NPLOC4: variants seen among roughly 807,000 people sequenced by gnomAD.
The protein encoded by NPLOC4 is nuclear protein localization protein 4 homolog.
In NPLOC4, 18 loss-of-function variants were observed where a neutral mutation model predicts 80.6. That is an observed-to-expected ratio of 0.22 (90% CI 0.15 to 0.33). The LOEUF (loss-of-function observed/expected upper bound fraction) is 0.33. Among genes scored for constraint, NPLOC4 ranks in the 10% least tolerant of loss-of-function variants. The pLI, the probability that NPLOC4 is intolerant of heterozygous loss-of-function variation, is 1.00. For synonymous variants in NPLOC4, 313 were observed against 301.5 expected, an observed-to-expected ratio of 1.04 and a Z score of -0.39; for missense variants, 540 against 786.1, an observed-to-expected ratio of 0.69 and a Z score of 3.74.
intron 13 of NPLOC4, among the ~76,000 whole-genome samples, chr17:81,571,746 T>G (rs1048417379): frequency 1.3e-5 from 2 of 152,162 alleles, no homozygotes; most frequent in African/African-American, 4.8e-5. Context: ...TGTACTTTAG[T>G]ATGGGGACAG....
chr17:81,607,801 C>T (rs922635528), intron 6 of NPLOC4, among the ~76,000 whole-genome samples: 6 of 152,304 alleles, frequency 3.9e-5, no homozygotes, highest in Admixed American at 6.5e-5. Context: ...CAGGTTTTTT[C>T]TTCTGGTCTA....
At chr17:81,581,280 C>T (rs9912938) in intron 12 of NPLOC4, among the ~76,000 whole-genome samples, 91,007 of 142,270 alleles carry the variant, frequency 0.64, 29,977 homozygotes, top group Middle Eastern at 0.73. Flanking sequence ...ACCTGGGAGG[C>T]GGAGGTTGTA....
intron 2 of NPLOC4, among the ~76,000 whole-genome samples, chr17:81,629,357 A>G (rs965316112): frequency 1.3e-5 from 2 of 150,920 alleles, no homozygotes; most frequent in Non-Finnish European, 2.9e-5. Context: ...ACGCCCGACT[A>G]ATTTTTGTAT....
At chr17:81,595,397 G>A (rs2034874497) in intron 11 of NPLOC4, among the ~76,000 whole-genome samples, 3 of 139,862 alleles carry the variant, frequency 2.1e-5, no homozygotes, top group African/African-American at 8.1e-5. Flanking sequence ...TTGCGCCACT[G>A]CACTCCAGCC....
intron 16 of NPLOC4, among the ~76,000 whole-genome samples, chr17:81,561,526 C>A (rs2033849332): frequency 6.6e-6 from 1 of 152,320 alleles, no homozygotes; most frequent in South Asian, 2.1e-4. Context: ...GGTCCTGCAT[C>A]CTGCCTAAAA....
intron 2 of NPLOC4, among the ~76,000 whole-genome samples, chr17:81,625,833 C>T (rs545355953): frequency 3.9e-5 from 6 of 151,902 alleles, no homozygotes; most frequent in African/African-American, 1.2e-4. Flanking sequence ...ACCCATGGTA[C>T]AGGATCAAAT....
chr17:81,581,337 A>G (rs1184906593), intron 12 of NPLOC4, among the ~76,000 whole-genome samples: 2 of 133,464 alleles, frequency 1.5e-5, no homozygotes, highest in Non-Finnish European at 3.1e-5. Flanking sequence ...CAACACAGCC[A>G]GACTCCAACG....
chr17:81,603,972 T>C (rs1179542355), intron 8 of NPLOC4, among the ~76,000 whole-genome samples: 1 of 152,154 alleles, frequency 6.6e-6, no homozygotes, highest in Non-Finnish European at 1.5e-5. Context: ...AATGTGTAAC[T>C]AGTTGGTGGC....
chr17:81,594,418 T>C (rs1035261814), intron 11 of NPLOC4, among the ~76,000 whole-genome samples: 133 of 151,416 alleles, frequency 8.8e-4, no homozygotes, highest in African/African-American at 3.1e-3. Flanking sequence ...AAAATCAATC[T>C]AAATGCACCT....
chr17:81,622,364 G>C, intron 2 of NPLOC4, 86 bp from the exon 3 acceptor site: 1 of 981,430 alleles, frequency 1.0e-6, no homozygotes, highest in Admixed American at 2.3e-5. Flanking sequence ...TACTAGAAGA[G>C]TATTCACCAA....
Position 81,622,250 on chromosome 17 carries a change from T to C in NPLOC4, c.125A>G (p.Asn42Ser). 1.2e-6 allele frequency: 2 copies of C among 1,613,872 alleles called. No homozygotes were observed. The highest frequency in any genetic ancestry group is 1.7e-6 in the Non-Finnish European group (2 of 1,179,808). ...KVAKEFGFQN[N>S]GFSVYINRNK... is the part of the protein sequence containing the mutation. ...TCTATTGATGTAAACCGAGAAGCCA[T>C]TATTTTGGAAGCCAAACTCCTTTGC... Residue 42 changes from asparagine (N) to serine (S), a missense_variant, in exon 3 of 17, where the codon AAT (asparagine) becomes AGT (serine). Transcript: ENST00000331134.
At chr17:81,598,094 CAAA>C (rs71367068) in intron 9 of NPLOC4, among the ~76,000 whole-genome samples, 11 of 88,226 alleles carry the variant, frequency 1.2e-4, no homozygotes, top group African/African-American at 9.1e-5. Flanking sequence ...GACTCTGTCT[CAAA>C]AAAAAAAAAA....
In NPLOC4 at chr17:81,626,242, G is replaced by A. The variant is rs531377899; in HGVS notation, c.96+3483C>T. 1.8e-3 allele frequency among the ~76,000 whole-genome samples: 266 copies of A among 151,690 alleles called. 2 individuals are homozygous for A. Among genetic ancestry groups the A allele is most frequent in the African/African-American group, 6.2e-3 (255 of 41,350 alleles). ...GAGCCAGGAAAACCGCTTGAACCCC[G>A]GAGGCGGAGGTTGCAGTCAGCCAAG... is the stretch of plus-strand genomic sequence containing the variant. On this transcript the variant is annotated intron_variant, in intron 2 of 16. Transcript: ENST00000331134.
At chr17:81,608,595 C>T (rs536494580) in intron 6 of NPLOC4, 133 bp downstream of exon 6, 78 of 623,792 alleles carry the variant, frequency 1.3e-4, no homozygotes, top group Non-Finnish European at 1.9e-4. Context: ...TATAGAACCA[C>T]GGTAACTTTC....
intron 12 of NPLOC4, 33 bp downstream of exon 12, chr17:81,588,911 T>A (rs756502733): frequency 6.3e-7 from 1 of 1,593,354 alleles, no homozygotes; most frequent in Non-Finnish European, 8.6e-7. Flanking sequence ...CCATTCTCCA[T>A]GTACAGAGTT....
intron 8 of NPLOC4, 57 bp from the exon 9 acceptor site, chr17:81,600,484 C>A (rs1568144434): frequency 7.3e-7 from 1 of 1,366,510 alleles, no homozygotes; most frequent in Non-Finnish European, 1.0e-6. Flanking sequence ...GGAAGCAGCA[C>A]CCCAAGCCCT....
chr17:81,628,533 T>A (rs1392217701), intron 2 of NPLOC4, among the ~76,000 whole-genome samples: 1 of 151,320 alleles, frequency 6.6e-6, no homozygotes, highest in Non-Finnish European at 1.5e-5. Context: ...AAAATAACCC[T>A]CATATAAACA....
chr17:81,618,276 C>A lies in NPLOC4; in HGVS notation c.209+3890G>T, dbSNP rs573208674. 3.3e-5 allele frequency among the ~76,000 whole-genome samples: 5 copies of A among 150,812 alleles called. No homozygotes were observed. In the South Asian group the frequency reaches 8.5e-4, roughly 26 times the overall value. ...GGAGCGTCTCTGCCCGGCCGCCCAT[C>A]GTCTGAGATGTGGGGAGCGCCTCTG... On this transcript the variant is annotated intron_variant, in intron 3 of 16. Coordinates refer to ENST00000331134, the MANE Select transcript of NPLOC4 (RefSeq NM_017921.4).
At chr17:81,634,318 ATC>A in intron 1 of NPLOC4, among the ~76,000 whole-genome samples, 1 of 152,182 alleles carries the variant, frequency 6.6e-6, no homozygotes, top group East Asian at 1.9e-4. Context: ...TTTTCAAAAG[ATC>A]TCTTTCTTAA....
Sources: gnomAD v4.1 joint callset for allele counts (sites outside exome capture counted in the v4.1 genomes callset) on GRCh38, gnomAD v4.1.1 for gene constraint, MANE v1.5 for transcripts, NCBI Gene and HGNC (gene_info 2026-07-23, HGNC 2026-07-21) for gene names.